TBL1X: variants seen among roughly 807,000 people sequenced by gnomAD.
The protein encoded by TBL1X is F-box-like/WD repeat-containing protein TBL1X.
TBL1X carries 10 observed loss-of-function variants against 50.7 expected under a neutral mutation model. The observed-to-expected ratio is 0.20, with a 90% CI of 0.12 to 0.33. The LOEUF is 0.33. Ranked by LOEUF, TBL1X falls within the 10% of genes least tolerant of loss-of-function variation. The pLI, the probability that TBL1X is intolerant of heterozygous loss-of-function variation, is 1.00. For missense variants in TBL1X, 340 were observed against 504.4 expected, an observed-to-expected ratio of 0.67 and a Z score of 3.12; for synonymous variants, 190 against 214.7, an observed-to-expected ratio of 0.88 and a Z score of 1.01.
chrX:9,476,691 A>C (rs773301697), intron 1 of TBL1X, among the ~76,000 whole-genome samples: 2 of 112,124 alleles, frequency 1.8e-5, no homozygotes, highest in East Asian at 5.6e-4. Context: ...CTGTGAGTAC[A>C]CTAACCTTGA....
At chrX:9,567,382 C>A (rs1029126498) in intron 2 of TBL1X, among the ~76,000 whole-genome samples, 6 of 111,133 alleles carry the variant, frequency 5.4e-5, no homozygotes, top group Non-Finnish European at 1.1e-4. Context: ...TGCAGCTGTT[C>A]TTGAAGAAGT....
intron 2 of TBL1X, among the ~76,000 whole-genome samples, chrX:9,539,598 C>A (rs1457373160): frequency 8.9e-6 from 1 of 112,043 alleles, no homozygotes; most frequent in Admixed American, 9.5e-5. Flanking sequence ...TTGGGCTACT[C>A]ATCAGTGTTC....
In TBL1X at chrX:9,586,311, T is replaced by G. The variant is rs149825241; in HGVS notation, c.-130-53962T>G. The stretch of plus-strand genomic sequence containing the variant: ...CACACAATGGAATAGTATTCGGCCT[T>G]GAAAAGGAAGGAAATCCTATCACAT... On this transcript the variant is annotated intron_variant, in intron 2 of 17. Transcript: ENST00000645353. Among the ~76,000 whole-genome samples the G allele has an allele frequency of 3.6e-3, 402 of 112,569 alleles. 2 individuals carry two copies. Among genetic ancestry groups the G allele is most frequent in the African/African-American group, 0.013 (391 of 30,997 alleles).
At chrX:9,703,840 A>G (rs1188596714) in intron 12 of TBL1X, among the ~76,000 whole-genome samples, 1 of 112,077 alleles carries the variant, frequency 8.9e-6, no homozygotes, top group Non-Finnish European at 1.9e-5. Context: ...AGAACGAGGA[A>G]TGAGGTCCAT....
At chrX:9,651,531 A>G (rs1188394686) in intron 3 of TBL1X, among the ~76,000 whole-genome samples, 2 of 112,710 alleles carry the variant, frequency 1.8e-5, no homozygotes, top group Non-Finnish European at 3.7e-5. Flanking sequence ...TCACTGCAGC[A>G]CTCAGCATCA....
At chrX:9,626,154 G>GT (rs2082691880) in intron 2 of TBL1X, among the ~76,000 whole-genome samples, 1 of 111,253 alleles carries the variant, frequency 9.0e-6, no homozygotes, top group Non-Finnish European at 1.9e-5. Flanking sequence ...CACGTGTCGC[G>GT]TGTGTCTCTT....
intron 3 of TBL1X, among the ~76,000 whole-genome samples, chrX:9,644,464 C>G (rs2082791947): frequency 9.0e-6 from 1 of 111,075 alleles, no homozygotes; most frequent in South Asian, 3.8e-4. Flanking sequence ...GTGGGTTTCC[C>G]TGGTAGTGGC....
intron 15 of TBL1X, among the ~76,000 whole-genome samples, chrX:9,710,284 A>AG (rs979080240): frequency 1.1e-4 from 12 of 109,286 alleles, no homozygotes; most frequent in African/African-American, 4.0e-4. Flanking sequence ...GCCACAGTTG[A>AG]GGGACAGCAA....
At chrX:9,532,157 TTGGG>T (rs2146973991) in intron 2 of TBL1X, among the ~76,000 whole-genome samples, 1 of 111,571 alleles carries the variant, frequency 9.0e-6, no homozygotes, top group South Asian at 3.7e-4. Flanking sequence ...TTCTGGAGCT[TTGGG>T]TGGACATTTA....
At chrX:9,553,708 G>A (rs901870503) in intron 2 of TBL1X, among the ~76,000 whole-genome samples, 9 of 111,957 alleles carry the variant, frequency 8.0e-5, no homozygotes, top group African/African-American at 2.9e-4. Flanking sequence ...TTCTACTAGT[G>A]TGATTTATGC....
Position 9,718,067 on chromosome X carries a change from T to G in TBL1X, c.*1821T>G, listed in dbSNP as rs1023844489. The G allele has an allele frequency of 9.0e-6, 1 of 110,789 alleles. No homozygotes were observed. The highest frequency in any genetic ancestry group is 1.9e-5 in the Non-Finnish European group (1 of 52,989). The allele number at this position is 110,789 out of a possible 1,213,427, so 9.1% of individuals were successfully genotyped here. On this transcript the variant is annotated 3_prime_UTR_variant, in exon 18 of 18. Transcript: ENST00000645353. ...GGGAAAAGGCCAAAGGACAAGGGCC[T>G]CTTCTCCCATTGGTTTTCCTGTGGG... is the stretch of plus-strand genomic sequence containing the variant.
chrX:9,702,985 C>G (rs908464630), intron 12 of TBL1X, among the ~76,000 whole-genome samples: 1 of 111,739 alleles, frequency 8.9e-6, no homozygotes, highest in Non-Finnish European at 1.9e-5. Context: ...AAGTCCCAAG[C>G]TCTCTGCCCC....
intron 5 of TBL1X, 105 bp downstream of exon 5, chrX:9,654,427 G>GA: frequency 2.0e-5 from 19 of 937,713 alleles, no homozygotes; most frequent in East Asian, 3.1e-5. Flanking sequence ...AGAAGAAGAA[G>GA]AGCTAAGAAG....
At chrX:9,693,452 C>G (rs765240390) in intron 11 of TBL1X, 33 bp downstream of exon 11, 1 of 1,128,671 alleles carries the variant, frequency 8.9e-7, no homozygotes. Context: ...TCCCTTTGAT[C>G]TATAGGTGGT....
At chrX:9,687,968 A>AGCCC in intron 6 of TBL1X, 49 bp from the exon 7 acceptor site, 5 of 1,162,441 alleles carry the variant, frequency 4.3e-6, no homozygotes, top group Non-Finnish European at 5.7e-6. Flanking sequence ...CCATTCCCAG[A>AGCCC]GCCCTCACCC....
chrX:9,700,974 G>A (rs1243849651), intron 12 of TBL1X, among the ~76,000 whole-genome samples: 1 of 110,897 alleles, frequency 9.0e-6, no homozygotes, highest in Non-Finnish European at 1.9e-5. Flanking sequence ...CCTGGGACCC[G>A]TCAGTGCTGT....
intron 2 of TBL1X, among the ~76,000 whole-genome samples, chrX:9,594,778 A>C (rs2082519392): frequency 1.8e-5 from 2 of 111,890 alleles, no homozygotes; most frequent in Non-Finnish European, 3.8e-5. Context: ...ATTTCCCCTC[A>C]TCCTGATTTA....
chrX:9,597,898 C>T (rs1041298342), intron 2 of TBL1X, among the ~76,000 whole-genome samples: 10 of 111,694 alleles, frequency 9.0e-5, no homozygotes, highest in African/African-American at 3.0e-4. Flanking sequence ...ATGATGGCCA[C>T]GGATTGGGCT....
At chrX:9,493,978 C>T (rs1245723455) in intron 1 of TBL1X, among the ~76,000 whole-genome samples, 4 of 111,201 alleles carry the variant, frequency 3.6e-5, no homozygotes, top group East Asian at 2.8e-4. Context: ...CATCTCAGAG[C>T]TTGAGACAAA....
Sources: gnomAD v4.1 joint callset for allele counts (sites outside exome capture counted in the v4.1 genomes callset) on GRCh38, gnomAD v4.1.1 for gene constraint, MANE v1.5 for transcripts, NCBI Gene and HGNC (gene_info 2026-07-23, HGNC 2026-07-21) for gene names.